MAGI2: variants seen among roughly 807,000 people sequenced by gnomAD.
MAGI2 encodes the protein membrane associated guanylate kinase, WW and PDZ domain containing 2.
A neutral mutation model predicts 133.3 loss-of-function variants in MAGI2; 35 were observed. The observed-to-expected ratio is 0.26, with a 90% CI of 0.20 to 0.35. The LOEUF is 0.35. Among genes scored for constraint, MAGI2 ranks in the 10% least tolerant of loss-of-function variants. The pLI, the probability that MAGI2 is intolerant of heterozygous loss-of-function variation, is 1.00. For missense variants in MAGI2, 1,636 were observed against 1,863.4 expected, an observed-to-expected ratio of 0.88 and a Z score of 2.25; for synonymous variants, 729 against 710.6, an observed-to-expected ratio of 1.03 and a Z score of -0.41.
intron 2 of MAGI2, among the ~76,000 whole-genome samples, chr7:78,679,681 A>G (rs975939280): frequency 1.3e-5 from 2 of 152,194 alleles, no homozygotes; most frequent in Non-Finnish European, 2.9e-5. Context: ...TCTGGAGTTT[A>G]CACGTAGAAA....
intron 1 of MAGI2, among the ~76,000 whole-genome samples, chr7:79,186,106 A>G (rs1827063108): frequency 6.6e-6 from 1 of 150,684 alleles, no homozygotes; most frequent in African/African-American, 2.4e-5. Flanking sequence ...TAGACATACA[A>G]AGACCAACAT....
At chr7:78,136,138 T>C (rs7807743) in intron 16 of MAGI2, among the ~76,000 whole-genome samples, 128,354 of 150,026 alleles carry the variant, frequency 0.86, 55,027 homozygotes, top group Non-Finnish European at 0.87. Flanking sequence ...TTTTTTGAGA[T>C]GGAGTCTCAC....
At chr7:78,669,867 A>G (rs1168034071) in intron 2 of MAGI2, among the ~76,000 whole-genome samples, 12 of 152,136 alleles carry the variant, frequency 7.9e-5, no homozygotes, top group Admixed American at 6.5e-5. Context: ...GACAAAATTC[A>G]ACAACCCTTC....
chr7:79,339,591 A>AT (rs932546678), intron 1 of MAGI2, among the ~76,000 whole-genome samples: 4 of 151,484 alleles, frequency 2.6e-5, no homozygotes, highest in Admixed American at 1.3e-4. Flanking sequence ...TAATCCACAC[A>AT]TTTCCTTTAG....
chr7:79,396,759 T>A (rs1845086296), intron 1 of MAGI2, among the ~76,000 whole-genome samples: 1 of 152,136 alleles, frequency 6.6e-6, no homozygotes, highest in African/African-American at 2.4e-5. Flanking sequence ...GTAGCTACTT[T>A]AGAGCCTAAT....
At chr7:78,330,615 C>CAAAAAAAAAAA (rs4024122) in intron 9 of MAGI2, among the ~76,000 whole-genome samples, 1 of 6,938 alleles carries the variant, frequency 1.4e-4, no homozygotes, top group African/African-American at 7.2e-4. Flanking sequence ...GACTCCGTCT[C>CAAAAAAAAAAA]AAAAAAAAAA....
At chr7:78,090,659 A>G (rs1288309294) in intron 20 of MAGI2, among the ~76,000 whole-genome samples, 1 of 152,208 alleles carries the variant, frequency 6.6e-6, no homozygotes, top group Non-Finnish European at 1.5e-5. Context: ...CAAAGTCTTA[A>G]CAAAGGTCCC....
chr7:78,408,563 C>A (rs1368661234), intron 6 of MAGI2, among the ~76,000 whole-genome samples: 2 of 151,972 alleles, frequency 1.3e-5, no homozygotes, highest in Non-Finnish European at 1.5e-5. Flanking sequence ...ACCTACAGGG[C>A]ACTGCTTCTT....
At chr7:79,052,200 C>G (rs1812736348) in intron 1 of MAGI2, among the ~76,000 whole-genome samples, 1 of 152,000 alleles carries the variant, frequency 6.6e-6, no homozygotes, top group South Asian at 2.1e-4. Context: ...GATGACTCAG[C>G]AGGGGGAGGA....
intron 2 of MAGI2, among the ~76,000 whole-genome samples, chr7:78,652,662 G>C (rs535560422): frequency 6.6e-6 from 1 of 152,134 alleles, no homozygotes; most frequent in African/African-American, 2.4e-5. Context: ...TTAAACCTAA[G>C]ACCTAAAACC....
At chr7:78,490,414 G>A (rs2150492253) in intron 5 of MAGI2, among the ~76,000 whole-genome samples, 1 of 152,110 alleles carries the variant, frequency 6.6e-6, no homozygotes, top group African/African-American at 2.4e-5. Flanking sequence ...AGCTCAGAAG[G>A]TAGGGGATAA....
chr7:78,619,818 T>A (rs573516036), intron 3 of MAGI2, among the ~76,000 whole-genome samples: 1 of 151,976 alleles, frequency 6.6e-6, no homozygotes, highest in South Asian at 2.1e-4. Context: ...TAAAGGGGTA[T>A]AAAACTTCAC....
chr7:78,482,631 T>A (rs987254598), intron 6 of MAGI2, among the ~76,000 whole-genome samples: 2 of 151,916 alleles, frequency 1.3e-5, no homozygotes, highest in African/African-American at 4.8e-5. Flanking sequence ...AGAATTATTT[T>A]GAGTGGAAAG....
At chr7:78,148,280 A>T (rs1823518327) in intron 16 of MAGI2, among the ~76,000 whole-genome samples, 5 of 152,206 alleles carry the variant, frequency 3.3e-5, no homozygotes. Context: ...TAGTGGAGGA[A>T]GCCAGACTGA....
chr7:78,673,843 T>C lies in MAGI2; in HGVS notation c.419-46604A>G, dbSNP rs543049198. 1.4e-4 allele frequency among the ~76,000 whole-genome samples: 21 copies of C among 152,338 alleles called. 1 individual carries two copies. The highest frequency in any genetic ancestry group is 3.9e-4 in the Admixed American group (6 of 15,294). On this transcript the variant is annotated intron_variant, in intron 2 of 21. Transcript: ENST00000354212. ...TCCGTGGCCTGGTCAAGCTGGCATA[T>C]AAAATTAACCATTATAGTCATTTTT...
chr7:78,287,951 C>T (rs1796315114), intron 9 of MAGI2, among the ~76,000 whole-genome samples: 1 of 152,080 alleles, frequency 6.6e-6, no homozygotes, highest in Non-Finnish European at 1.5e-5. Flanking sequence ...ATCTTTCTAT[C>T]AGGATATGTT....
At chr7:79,182,978 G>A (rs1826752259) in intron 1 of MAGI2, among the ~76,000 whole-genome samples, 1 of 151,888 alleles carries the variant, frequency 6.6e-6, no homozygotes, top group African/African-American at 2.4e-5. Context: ...ATTCCCATAT[G>A]TGAGAGCTAA....
At chr7:78,629,917 T>C (rs1439740246) in intron 2 of MAGI2, among the ~76,000 whole-genome samples, 1 of 152,022 alleles carries the variant, frequency 6.6e-6, no homozygotes, top group East Asian at 1.9e-4. Context: ...TCATCCATCT[T>C]GCTAAGACAA....
chr7:79,070,973 G>T (rs947417953), intron 1 of MAGI2, among the ~76,000 whole-genome samples: 2 of 152,166 alleles, frequency 1.3e-5, no homozygotes, highest in Non-Finnish European at 2.9e-5. Flanking sequence ...TCTCCATCCA[G>T]TCTTGTTCCT....
Sources: allele counts gnomAD v4.1 joint callset (sites outside exome capture counted in the v4.1 genomes callset), GRCh38; gene constraint gnomAD v4.1.1; transcripts MANE v1.5; gene names NCBI Gene and HGNC (gene_info 2026-07-23, HGNC 2026-07-21).